Variants in PTK7 observed in about 807,000 individuals in gnomAD.
PTK7 encodes the protein protein tyrosine kinase 7 (inactive).
In PTK7, 39 loss-of-function variants were observed where a neutral mutation model predicts 116.6. That is an observed-to-expected ratio of 0.33 (90% CI 0.26 to 0.44). The LOEUF (loss-of-function observed/expected upper bound fraction) is 0.44. Among genes scored for constraint, PTK7 ranks in the 20% least tolerant of loss-of-function variants. The pLI, the probability that PTK7 is intolerant of heterozygous loss-of-function variation, is 1.00. For missense variants in PTK7, 1,169 were observed against 1,425.6 expected (o/e 0.82, Z 2.90); for synonymous variants, 546 against 563.6 (o/e 0.97, Z 0.44).
At chr6:43,121,532 G>A (rs983240970) in intron 1 of PTK7, among the ~76,000 whole-genome samples, 3 of 152,204 alleles carry the variant, frequency 2.0e-5, no homozygotes, top group African/African-American at 7.2e-5. Context: ...GGGACCTTTT[G>A]TAGACCCTGG....
At chr6:43,138,711 A>G in intron 7 of PTK7, 138 bp from the exon 8 acceptor site, 2 of 1,261,770 alleles carry the variant, frequency 1.6e-6, no homozygotes, top group Non-Finnish European at 2.1e-6. Flanking sequence ...TCTTCCGTAA[A>G]GGGAAACTCC....
In PTK7 at chr6:43,076,812, T is replaced by C; in HGVS notation, c.79+245T>C. 1 of 1,410,518 alleles carries C rather than the reference T, an allele frequency of 7.1e-7. No homozygotes were observed. The allele number at this position is 1,410,518 out of a possible 1,614,324, so 87.4% of individuals were successfully genotyped here. On this transcript the variant is annotated intron_variant, in intron 1 of 19. Coordinates refer to ENST00000230419, the MANE Select transcript of PTK7 (RefSeq NM_002821.5). This position sits in a 1 kb window ranked among gnomAD's most constrained non-coding sequence, Gnocchi z 5.7. Reference sequence around the variant, plus strand: ...GCGCCGCGGGGACGCATTTCCAGCCTCCCTGAGTTTTTCTGGTCTGAGCCG... The same window carrying C: ...GCGCCGCGGGGACGCATTTCCAGCCCCCCTGAGTTTTTCTGGTCTGAGCCG...
intron 17 of PTK7, among the ~76,000 whole-genome samples, chr6:43,157,871 C>T (rs971073644): frequency 3.9e-5 from 6 of 152,086 alleles, no homozygotes; most frequent in Non-Finnish European, 8.8e-5. Flanking sequence ...GGATTATAGG[C>T]ATGTGCCACC....
rs1465816842 is a variant in PTK7 at position 43,157,353 on chromosome 6, T to A, written c.2722-1464T>A. Among the ~76,000 whole-genome samples the A allele has an allele frequency of 4.5e-3, 46 of 10,306 alleles. 1 individual carries two copies. Among genetic ancestry groups the A allele is most frequent in the Non-Finnish European group, 8.7e-3 (43 of 4,938 alleles). The allele number at this position is 10,306 out of a possible 152,430, so 6.8% of individuals were successfully genotyped here. A position where few individuals can be genotyped will look rare whatever the true frequency, so the allele number is the denominator to read the frequency against. On this transcript the variant is annotated intron_variant, in intron 17 of 19. Transcript: ENST00000230419. Reference sequence around the variant, plus strand: ...ATATATATATATATATATATATATATATATATATATATTTTTTTTTTTCTT... The same window carrying A: ...ATATATATATATATATATATATATAAATATATATATATTTTTTTTTTTCTT...
At chr6:43,116,641 T>TGC (rs1561954251) in intron 1 of PTK7, among the ~76,000 whole-genome samples, 1 of 112,912 alleles carries the variant, frequency 8.9e-6, no homozygotes, top group African/African-American at 3.5e-5. Context: ...TGTGTGTGTG[T>TGC]GTGTGTGTGT....
chr6:43,156,936 GA>G (rs36001800), intron 17 of PTK7, among the ~76,000 whole-genome samples: 27,730 of 137,728 alleles, frequency 0.2, 3,009 homozygotes, highest in East Asian at 0.37. Flanking sequence ...ACAATGTTGT[GA>G]AAAAAAAAAA....
In PTK7 at chr6:43,139,587, T is replaced by C; in HGVS notation, c.1618+62T>C. ...GCAGTTCACTGATCAGATACATACC[T>C]GAGGGCTGCTGGGTGCCCCGCACTG... On this transcript the variant is annotated intron_variant, in intron 10 of 19. Coordinates refer to ENST00000230419, the MANE Select transcript of PTK7 (RefSeq NM_002821.5). The surrounding 1 kb of genome is among the most constrained non-coding windows in gnomAD (Gnocchi z 4.6). The C allele has an allele frequency of 1.3e-6, 2 of 1,598,920 alleles. No individual in the cohort carries two copies. Among genetic ancestry groups the C allele is most frequent in the East Asian group, 2.2e-5 (1 of 44,662 alleles).
At chr6:43,099,025 ATTAAT>A (rs1223624807) in intron 1 of PTK7, among the ~76,000 whole-genome samples, 1 of 151,988 alleles carries the variant, frequency 6.6e-6, no homozygotes, top group Non-Finnish European at 1.5e-5. Context: ...ATTTACGATT[ATTAAT>A]TTTCTTTTGA....
chr6:43,151,985 C>T (rs1344198480), intron 17 of PTK7, among the ~76,000 whole-genome samples: 1 of 152,040 alleles, frequency 6.6e-6, no homozygotes, highest in East Asian at 1.9e-4. Flanking sequence ...GCTGGGACTA[C>T]AGGCACCCAC....
At chr6:43,132,994 C>T (rs62417483) in intron 7 of PTK7, 17,519 of 495,494 alleles carry the variant, frequency 0.035, 414 homozygotes, top group Non-Finnish European at 0.047. Context: ...CACAGAGTGA[C>T]GATGGTAGCA....
chr6:43,132,160 A>G lies in PTK7; in HGVS notation c.957A>G (p.Leu319=). The G allele has an allele frequency of 6.2e-7, 1 of 1,608,926 alleles. No individual in the cohort carries two copies. Among genetic ancestry groups the G allele is most frequent in the Non-Finnish European group, 8.5e-7 (1 of 1,176,128 alleles). ...PPIILEATLH[L]AEIEDMPLFE... ...TCATCCTGGAAGCCACACTTCACCT[A>G]GCAGGTGAGTCTCTGGGTCTGGGGT... Residue 319 remains leucine, a synonymous_variant, in exon 6 of 20, where the codon CTA becomes CTG. Transcript: ENST00000230419.
chr6:43,119,420 G>T (rs536655532), intron 1 of PTK7, among the ~76,000 whole-genome samples: 1 of 152,138 alleles, frequency 6.6e-6, no homozygotes, highest in Non-Finnish European at 1.5e-5. Context: ...CTGCTTCTGC[G>T]GGAAGGACCA....
At position 43,124,860 on chromosome 6, in the gene PTK7, G is replaced by A. The variant is rs1769191196; in HGVS notation, c.80-4117G>A. ...GGGGCTGGGGGCTTGGAGCAGACCT[G>A]GGAGCTGCATTCTCTGCCTTTTGAA... is the stretch of plus-strand genomic sequence containing the variant. On this transcript the variant is annotated intron_variant, in intron 1 of 19. Transcript: ENST00000230419. Among the ~76,000 whole-genome samples, 9 of 152,146 alleles carry A rather than the reference G, an allele frequency of 5.9e-5. No homozygotes were observed. In the South Asian group the frequency reaches 1.9e-3, roughly 31 times the overall value.
At chr6:43,103,269 G>A (rs1767682719) in intron 1 of PTK7, among the ~76,000 whole-genome samples, 1 of 152,168 alleles carries the variant, frequency 6.6e-6, no homozygotes, top group African/African-American at 2.4e-5. Context: ...AGTCGAAGGG[G>A]GTGAAAGAGA....
Position 43,088,401 on chromosome 6 carries a change from T to C in PTK7, c.79+11834T>C, listed in dbSNP as rs187183350. On this transcript the variant is annotated intron_variant, in intron 1 of 19. Coordinates refer to ENST00000230419, the MANE Select transcript of PTK7 (RefSeq NM_002821.5). The stretch of plus-strand genomic sequence containing the variant: ...GTCCAGGTGTTACTGTGCTATGATA[T>C]GCTGCACACGTGGCCAATTGCCGTG... Among the ~76,000 whole-genome samples, 532 of 151,854 alleles carry C rather than the reference T, an allele frequency of 3.5e-3. 2 individuals are homozygous for C. Among genetic ancestry groups the C allele is most frequent in the South Asian group, 4.6e-3 (22 of 4,798 alleles).
At position 43,144,431 on chromosome 6, in the gene PTK7, C is replaced by T. The variant is rs764080554; in HGVS notation, c.2252-20C>T. The T allele has an allele frequency of 4.3e-6, 7 of 1,614,022 alleles. No individual in the cohort carries two copies. Among genetic ancestry groups the T allele is most frequent in the Non-Finnish European group, 5.9e-6 (7 of 1,179,984 alleles). ...GAGTGTCAGGTCTCATCGTGACGCT[C>T]TTGTCCTCCTCCTTCCCAGGTGGGC... On this transcript the variant is annotated intron_variant, in intron 14 of 19. Coordinates refer to ENST00000230419, the MANE Select transcript of PTK7 (RefSeq NM_002821.5).
Position 43,132,018 on chromosome 6 carries a change from C to A in PTK7, c.815C>A (p.Pro272His). ...AAATTGCACTCTCCCCTCTGCAGCC[C>A]CCCACACCTCCGCAGAGCCACAGTG... Reference protein sequence around the residue: ...DETPITNRSRPPHLRRATVFA... With the variant: ...DETPITNRSRHPHLRRATVFA... Residue 272 changes from proline to histidine, a missense_variant and splice_region_variant, in exon 6 of 20, where the codon CCC becomes CAC. Pro to His is a moderately conservative substitution (Grantham distance 77). Around this residue, in one of 3 missense-constraint regions of PTK7, gnomAD observed 487 missense variants for 549.8 expected, o/e 0.89. Coordinates refer to ENST00000230419, the MANE Select transcript of PTK7 (RefSeq NM_002821.5). The A allele has an allele frequency of 6.2e-7, 1 of 1,614,014 alleles. No individual in the cohort carries two copies. The highest frequency in any genetic ancestry group is 8.5e-7 in the Non-Finnish European group (1 of 1,180,030).
chr6:43,122,641 C>T (rs1402075050), intron 1 of PTK7, among the ~76,000 whole-genome samples: 1 of 141,006 alleles, frequency 7.1e-6, no homozygotes, highest in East Asian at 2.0e-4. Flanking sequence ...GGATCTTGCT[C>T]TGTCACCCAG....
intron 1 of PTK7, among the ~76,000 whole-genome samples, chr6:43,121,740 CCTGCAGCATTTTGTGTTT>C (rs1768979975): frequency 1.3e-5 from 2 of 152,128 alleles, no homozygotes; most frequent in South Asian, 2.1e-4. Flanking sequence ...CACAAATAGC[CCTGCAGCATTTTGTGTTT>C]CTGCCAACCT....
Sources: allele counts gnomAD v4.1 joint callset (sites outside exome capture counted in the v4.1 genomes callset), GRCh38; gene constraint gnomAD v4.1.1; regional missense constraint gnomAD v4.1.1; non-coding constraint Gnocchi (gnomAD v3.1); transcripts MANE v1.5; gene names NCBI Gene and HGNC (gene_info 2026-07-23, HGNC 2026-07-21).